The following DIS3L2 variants were observed in gnomAD, a reference collection of about 807,000 sequenced individuals.
DIS3L2 encodes the protein DIS3 like 3'-5' exoribonuclease 2.
DIS3L2 carries 34 observed loss-of-function variants against 97.5 expected under a neutral mutation model. The ratio of observed to expected loss-of-function variants is 0.35; its 90% CI spans 0.27 to 0.46. The LOEUF (loss-of-function observed/expected upper bound fraction) is 0.46, where lower values mean the gene tolerates loss of function less well. Among genes scored for constraint, DIS3L2 ranks in the 20% least tolerant of loss-of-function variants. The pLI, the probability that DIS3L2 is intolerant of heterozygous loss-of-function variation, is 1.00. For missense variants in DIS3L2, 1,038 were observed against 1,146.0 expected, an observed-to-expected ratio of 0.91 and a Z score of 1.36; for synonymous variants, 435 against 445.2, an observed-to-expected ratio of 0.98 and a Z score of 0.29.
Position 232,010,402 on chromosome 2 carries a change from T to A in DIS3L2, c.-93-4433T>A, listed in dbSNP as rs576400962. 1.7e-4 allele frequency among the ~76,000 whole-genome samples: 26 copies of A among 152,326 alleles called. No homozygotes were observed. The South Asian group carries it at 3.3e-3, about 19-fold the overall frequency. ...AGTAGGGATGTATTGGTTATTTTTT[T>A]AAAATGGTATTAAGTAGTGTCTTAA... is the stretch of plus-strand genomic sequence containing the variant. On this transcript the variant is annotated intron_variant, in intron 1 of 20. Transcript: ENST00000325385.
chr2:232,233,975 C>T (rs1012888563), intron 10 of DIS3L2, among the ~76,000 whole-genome samples: 1 of 152,202 alleles, frequency 6.6e-6, no homozygotes, highest in Admixed American at 6.5e-5. Context: ...GAAAGAGTCT[C>T]TGCCAGGACT....
intron 11 of DIS3L2, among the ~76,000 whole-genome samples, chr2:232,242,964 T>C (rs560344622): frequency 1.3e-5 from 2 of 152,300 alleles, no homozygotes; most frequent in East Asian, 3.9e-4. Flanking sequence ...GATGTAAAGA[T>C]GAGACAGATT....
At chr2:232,116,219 T>TAAATAAAA (rs1553608690) in intron 6 of DIS3L2, among the ~76,000 whole-genome samples, 70 of 150,310 alleles carry the variant, frequency 4.7e-4, no homozygotes, top group African/African-American at 1.5e-3. Context: ...AATAAATAAA[T>TAAATAAAA]AAAACAGATG....
intron 6 of DIS3L2, among the ~76,000 whole-genome samples, chr2:232,111,732 C>T (rs1367299263): frequency 6.6e-6 from 1 of 152,180 alleles, no homozygotes; most frequent in Non-Finnish European, 1.5e-5. Flanking sequence ...TTCCCATAAG[C>T]CCATGACCTA....
chr2:232,213,607 T>C (rs1463615225), intron 10 of DIS3L2, among the ~76,000 whole-genome samples: 1 of 151,680 alleles, frequency 6.6e-6, no homozygotes, highest in Non-Finnish European at 1.5e-5. Flanking sequence ...GGGAAAAATG[T>C]TCAATGCTTC....
chr2:232,135,777 G>T (rs1698337991), intron 7 of DIS3L2, among the ~76,000 whole-genome samples: 1 of 152,112 alleles, frequency 6.6e-6, no homozygotes. Flanking sequence ...TTGTTCAGGG[G>T]TCTGGTGGGA....
In DIS3L2 at chr2:232,005,943, T is replaced by C. The variant is rs554860143; in HGVS notation, c.-93-8892T>C. Among the ~76,000 whole-genome samples the C allele has an allele frequency of 2.0e-5, 3 of 152,312 alleles. No individual in the cohort carries two copies. The South Asian group carries it at 6.2e-4, about 32-fold the overall frequency. ...TGGCTCATGCCTGTAATCCCAGCAC[T>C]TTGAGGGGCTGAGGCGGGTGGATCA... On this transcript the variant is annotated intron_variant, in intron 1 of 20. Coordinates refer to ENST00000325385, the MANE Select transcript of DIS3L2 (RefSeq NM_152383.5).
downstream of DIS3L2, among the ~76,000 whole-genome samples, chr2:232,337,359 G>A (rs1298277536): frequency 6.6e-6 from 1 of 152,144 alleles, no homozygotes; most frequent in Non-Finnish European, 1.5e-5. Flanking sequence ...CACTCTGTGA[G>A]GTCCTGTGCC....
At chr2:232,320,302 A>AG (rs1267201559) in intron 14 of DIS3L2, among the ~76,000 whole-genome samples, 2 of 152,200 alleles carry the variant, frequency 1.3e-5, no homozygotes, top group African/African-American at 4.8e-5. Flanking sequence ...GCTGTGTTCC[A>AG]GGGGGTGATA....
chr2:232,232,287 G>T (rs910809336), intron 10 of DIS3L2, among the ~76,000 whole-genome samples: 1 of 152,180 alleles, frequency 6.6e-6, no homozygotes, highest in Non-Finnish European at 1.5e-5. Context: ...TCTGGGCTGC[G>T]TGCTCAGGGC....
chr2:232,270,860 G>GTCTCTCTCTCTCTC (rs71056262), intron 13 of DIS3L2, among the ~76,000 whole-genome samples: 100 of 103,840 alleles, frequency 9.6e-4, no homozygotes, highest in Admixed American at 1.3e-3. Flanking sequence ...TCTTTTTCTC[G>GTCTCTCTCTCTCTC]TCTCTCTCTC....
intron 8 of DIS3L2, among the ~76,000 whole-genome samples, chr2:232,137,907 C>CA (rs1397179705): frequency 6.6e-6 from 1 of 152,198 alleles, no homozygotes; most frequent in Non-Finnish European, 1.5e-5. Flanking sequence ...GTCCTTCTTA[C>CA]AAGCTTGCCC....
intron 1 of DIS3L2, among the ~76,000 whole-genome samples, chr2:231,980,248 A>T (rs1366714176): frequency 6.6e-6 from 1 of 152,198 alleles, no homozygotes; most frequent in South Asian, 2.1e-4. Context: ...CAATTTAGTG[A>T]GTGTGACTGG....
chr2:232,247,836 C>T (rs924156670), intron 11 of DIS3L2, among the ~76,000 whole-genome samples: 1 of 152,128 alleles, frequency 6.6e-6, no homozygotes, highest in Non-Finnish European at 1.5e-5. Flanking sequence ...CATTCTAATG[C>T]ATCACAAAAT....
chr2:232,079,241 G>A (rs1242709342), intron 5 of DIS3L2, among the ~76,000 whole-genome samples: 1 of 152,080 alleles, frequency 6.6e-6, no homozygotes, highest in Non-Finnish European at 1.5e-5. Flanking sequence ...ATTCTAGTTG[G>A]GGAAACAGAA....
rs192898336 is a variant in DIS3L2 at position 232,110,107 on chromosome 2, A to G, written c.602-20512A>G. On this transcript the variant is annotated intron_variant, in intron 6 of 20. Coordinates refer to ENST00000325385, the MANE Select transcript of DIS3L2 (RefSeq NM_152383.5). ...GCCAACATTTGTAAAAAAAAGCTCA[A>G]CATCATTAATCATTAGAGAAATACA... Among the ~76,000 whole-genome samples the G allele has an allele frequency of 2.1e-3, 323 of 152,338 alleles. 2 individuals carry two copies. Among genetic ancestry groups the G allele is most frequent in the African/African-American group, 7.3e-3 (305 of 41,566 alleles).
chr2:232,198,335 G>A (rs1691811818), intron 9 of DIS3L2, among the ~76,000 whole-genome samples: 1 of 152,116 alleles, frequency 6.6e-6, no homozygotes, highest in South Asian at 2.1e-4. Context: ...AGATTGTATA[G>A]AACTTTTTAT....
At chr2:232,333,756 G>GATTAATGTC in intron 16 of DIS3L2, 84 bp from the exon 17 acceptor site, 18 of 1,487,172 alleles carry the variant, frequency 1.2e-5, no homozygotes, top group African/African-American at 2.8e-5. Context: ...CGCTGCCGAC[G>GATTAATGTC]GTGAGGCTGT....
chr2:232,329,787 C>CCGGGGGGGCCG, intron 14 of DIS3L2, 26 bp from the exon 15 acceptor site: 1 of 1,062,210 alleles, frequency 9.4e-7, no homozygotes, highest in Non-Finnish European at 1.3e-6. Context: ...CCCAGCGGTC[C>CCGGGGGGGCCG]CTCCCATCCC....
Sources: gnomAD v4.1 joint callset for allele counts (sites outside exome capture counted in the v4.1 genomes callset) on GRCh38, gnomAD v4.1.1 for gene constraint, MANE v1.5 for transcripts, NCBI Gene and HGNC (gene_info 2026-07-23, HGNC 2026-07-21) for gene names.